The following DLG2 variants were observed in gnomAD, a reference collection of about 807,000 sequenced individuals.
DLG2 encodes the protein discs large MAGUK scaffold protein 2, also known as disks large homolog 2.
DLG2 carries 45 observed loss-of-function variants against 132.5 expected under a neutral mutation model. The observed-to-expected ratio is 0.34, with a 90% CI of 0.27 to 0.44. The LOEUF (loss-of-function observed/expected upper bound fraction) is 0.44. Among genes scored for constraint, DLG2 ranks in the 20% least tolerant of loss-of-function variants. DLG2 has a pLI of 1.00. For missense variants in DLG2, 1,045 were observed against 1,196.9 expected, an observed-to-expected ratio of 0.87 and a Z score of 1.87; for synonymous variants, 424 against 419.6, an observed-to-expected ratio of 1.01 and a Z score of -0.13.
chr11:83,710,501 G>A (rs747358841), intron 18 of DLG2, among the ~76,000 whole-genome samples: 39 of 152,070 alleles, frequency 2.6e-4, no homozygotes, highest in African/African-American at 5.8e-4. Flanking sequence ...CACAAGAAGC[G>A]GATAATTTTA....
At chr11:85,354,035 T>A (rs2083501291) in intron 3 of DLG2, among the ~76,000 whole-genome samples, 1 of 151,156 alleles carries the variant, frequency 6.6e-6, no homozygotes, top group Non-Finnish European at 1.5e-5. Context: ...TAAATCATAA[T>A]AGAGTCACTG....
At chr11:83,807,225 A>C (rs999224613) in intron 17 of DLG2, among the ~76,000 whole-genome samples, 3 of 152,192 alleles carry the variant, frequency 2.0e-5, no homozygotes, top group Non-Finnish European at 4.4e-5. Flanking sequence ...GACTTCATAA[A>C]AGCAGTCAAG....
At chr11:84,803,260 T>A (rs149580165) in intron 6 of DLG2, among the ~76,000 whole-genome samples, 2 of 152,322 alleles carry the variant, frequency 1.3e-5, no homozygotes, top group African/African-American at 4.8e-5. Context: ...AACCAATAAT[T>A]GTGAAGTTGA....
chr11:84,029,785 C>A (rs1471060841), intron 11 of DLG2, among the ~76,000 whole-genome samples: 1 of 152,128 alleles, frequency 6.6e-6, no homozygotes, highest in Non-Finnish European at 1.5e-5. Flanking sequence ...TACTTTGGGG[C>A]TTTTGCGCCT....
intron 7 of DLG2, among the ~76,000 whole-genome samples, chr11:84,340,658 G>A (rs532465233): frequency 1.3e-4 from 20 of 152,262 alleles, no homozygotes; most frequent in Non-Finnish European, 2.6e-4. Flanking sequence ...AATCAGGACT[G>A]AAACAGGTAT....
chr11:84,243,186 G>A (rs1041065915), intron 8 of DLG2, among the ~76,000 whole-genome samples: 1 of 152,090 alleles, frequency 6.6e-6, no homozygotes, highest in Non-Finnish European at 1.5e-5. Flanking sequence ...TTCCATATCT[G>A]CATTGTTTAA....
At chr11:83,984,181 AGATAGATAGAT>A (rs1368127133) in intron 11 of DLG2, among the ~76,000 whole-genome samples, 60 of 136,466 alleles carry the variant, frequency 4.4e-4, no homozygotes, top group Middle Eastern at 3.8e-3. Context: ...TGGATACTGT[AGATAGATAGAT>A]GATAGATAGA....
At chr11:84,548,002 A>G (rs935965423) in intron 6 of DLG2, among the ~76,000 whole-genome samples, 1 of 152,196 alleles carries the variant, frequency 6.6e-6, no homozygotes, top group African/African-American at 2.4e-5. Flanking sequence ...CAACAATAAA[A>G]TCAAAAATTG....
At chr11:85,418,924 C>T (rs1235929310) in intron 3 of DLG2, among the ~76,000 whole-genome samples, 1 of 152,082 alleles carries the variant, frequency 6.6e-6, no homozygotes, top group East Asian at 1.9e-4. Flanking sequence ...GCATTTAGCC[C>T]ATTTACATTT....
chr11:85,148,757 G>C (rs1169890440), intron 5 of DLG2, among the ~76,000 whole-genome samples: 3 of 152,150 alleles, frequency 2.0e-5, no homozygotes, highest in African/African-American at 7.2e-5. Flanking sequence ...AGTTTAATTA[G>C]ATTCCATTTG....
intron 21 of DLG2, among the ~76,000 whole-genome samples, chr11:83,513,759 G>T (rs2095164428): frequency 1.3e-5 from 2 of 152,090 alleles, no homozygotes; most frequent in Admixed American, 6.6e-5. Context: ...CTAGCCAGTT[G>T]TCTCAGCACC....
intron 4 of DLG2, among the ~76,000 whole-genome samples, chr11:85,156,000 T>C (rs1264834324): frequency 6.6e-6 from 1 of 152,150 alleles, no homozygotes; most frequent in African/African-American, 2.4e-5. Flanking sequence ...AACCTAGCAG[T>C]CGGCCTCAGT....
intron 16 of DLG2, among the ~76,000 whole-genome samples, chr11:83,869,450 A>G (rs766802539): frequency 1.5e-4 from 23 of 152,062 alleles, no homozygotes; most frequent in Non-Finnish European, 2.4e-4. Flanking sequence ...CCCAGCCCCA[A>G]TGGAGCCATG....
chr11:83,537,319 A>G (rs1284763184), intron 20 of DLG2, among the ~76,000 whole-genome samples: 1 of 152,136 alleles, frequency 6.6e-6, no homozygotes, highest in Admixed American at 6.5e-5. Context: ...CAGTGGGAAC[A>G]TCATTTGTCC....
At chr11:84,526,840 G>A (rs1458263615) in intron 7 of DLG2, among the ~76,000 whole-genome samples, 7 of 146,816 alleles carry the variant, frequency 4.8e-5, no homozygotes, top group African/African-American at 1.3e-4. Context: ...GTGCAGTGGC[G>A]CAATCTCGGC....
Position 83,775,867 on chromosome 11 carries a change from C to T in DLG2, c.1825+10823G>A, listed in dbSNP as rs533116396. Among the ~76,000 whole-genome samples the T allele has an allele frequency of 2.6e-4, 39 of 152,058 alleles. 1 individual carries two copies. The highest frequency in any genetic ancestry group is 8.2e-4 in the African/African-American group (34 of 41,504). ...CAGCACCTTGGGAGGCCAAGGCGGG[C>T]GGATCACAAGATCAGGAGATCGAGA... On this transcript the variant is annotated intron_variant, in intron 18 of 27. Transcript: ENST00000376104.
intron 10 of DLG2, among the ~76,000 whole-genome samples, chr11:84,092,101 T>A (rs1189175476): frequency 2.0e-5 from 3 of 152,246 alleles, no homozygotes; most frequent in Admixed American, 2.0e-4. Flanking sequence ...ATTAGGGGAC[T>A]TAATTACATC....
chr11:85,583,116 GTGTGTGTGTGTGTGTATATATATA>G (rs1352458061), intron 3 of DLG2, among the ~76,000 whole-genome samples: 12 of 55,322 alleles, frequency 2.2e-4, no homozygotes, highest in East Asian at 1.8e-3. Context: ...GTGTGTGTGT[GTGTGTGTGTGTGTGTATATATATA>G]TATATATATA....
At chr11:83,884,700 T>C (rs1040988362) in intron 15 of DLG2, among the ~76,000 whole-genome samples, 5 of 152,072 alleles carry the variant, frequency 3.3e-5, no homozygotes, top group African/African-American at 1.2e-4. Context: ...CACCCCCCAG[T>C]AGGGGCAGAC....
Sources: gnomAD v4.1 joint callset for allele counts (sites outside exome capture counted in the v4.1 genomes callset) on GRCh38, gnomAD v4.1.1 for gene constraint, MANE v1.5 for transcripts, NCBI Gene and HGNC (gene_info 2026-07-23, HGNC 2026-07-21) for gene names.